The following NUCB1 variants were observed in gnomAD, a reference collection of about 807,000 sequenced individuals.
NUCB1 encodes nucleobindin-1.
Under a neutral mutation model 61.2 loss-of-function variants are expected in NUCB1, and 47 were observed. The observed-to-expected ratio is 0.77, with a 90% CI of 0.61 to 0.98. The LOEUF is 0.98. NUCB1 is among the 50% of genes least tolerant of loss of function. The pLI, the probability that NUCB1 is intolerant of heterozygous loss-of-function variation, is 0.00. For synonymous variants in NUCB1, 234 were observed against 243.1 expected (o/e 0.96, Z 0.35); for missense variants, 583 against 605.3 (o/e 0.96, Z 0.39).
chr19:48,919,278 G>A lies in NUCB1; in HGVS notation c.994G>A (p.Gly332Ser), dbSNP rs760883854. The change falls in exon 10 of 13, where the codon GGC becomes AGC. Residue 332 changes from glycine (G) to serine (S), a missense_variant. Physicochemically the swap from Gly to Ser is moderately conservative, Grantham distance 56. Transcript: ENST00000405315. Reference sequence around the variant, plus strand: ...GAAGGAGTTTGGGGACACCGGGGAGGGCTGGGAGGTGAGAACATGGGGGAT... The same window carrying A: ...GAAGGAGTTTGGGGACACCGGGGAGAGCTGGGAGGTGAGAACATGGGGGAT... ...QRKEFGDTGE[G>S]WETVEMHPAY... 1.5e-5 allele frequency: 25 copies of A among 1,613,128 alleles called. No homozygotes were observed. Among genetic ancestry groups the A allele is most frequent in the Non-Finnish European group, 2.0e-5 (24 of 1,179,380 alleles).
At chr19:48,916,377 G>A (rs1340723446) in intron 7 of NUCB1, among the ~76,000 whole-genome samples, 1 of 152,150 alleles carries the variant, frequency 6.6e-6, no homozygotes, top group Non-Finnish European at 1.5e-5. Context: ...CAGCACTTTG[G>A]GAGGCCGAGG....
At chr19:48,915,758 C>T (rs1407370551) in intron 7 of NUCB1, among the ~76,000 whole-genome samples, 3 of 152,026 alleles carry the variant, frequency 2.0e-5, no homozygotes, top group Non-Finnish European at 4.4e-5. Flanking sequence ...ATCTTGGCCT[C>T]CCGAAGTGCT....
chr19:48,909,565 G>A (rs1221375562), intron 4 of NUCB1, among the ~76,000 whole-genome samples: 3 of 151,634 alleles, frequency 2.0e-5, no homozygotes, highest in Non-Finnish European at 2.9e-5. Flanking sequence ...TTTTGAGACA[G>A]GGTTTCACTT....
At chr19:48,900,554 A>C in intron 1 of NUCB1, 182 bp downstream of exon 1, 1 of 562,062 alleles carries the variant, frequency 1.8e-6, no homozygotes, top group East Asian at 3.0e-5. Flanking sequence ...CGGATTCCTG[A>C]GTGTGAGAGA....
intron 10 of NUCB1, among the ~76,000 whole-genome samples, chr19:48,920,524 T>C: frequency 6.6e-6 from 1 of 151,960 alleles, no homozygotes; most frequent in South Asian, 2.1e-4. Context: ...ATTTATTTAT[T>C]TGTTTGTTTA....
Position 48,904,392 on chromosome 19 carries a change from G to A in NUCB1, c.181G>A (p.Val61Ile), listed in dbSNP as rs752285861. 15 of 1,613,830 alleles carry A rather than the reference G, an allele frequency of 9.3e-6. No individual in the cohort carries two copies. The highest frequency in any genetic ancestry group is 1.2e-5 in the Non-Finnish European group (14 of 1,179,850). The change falls in exon 3 of 13, where the codon GTA becomes ATA. Residue 61 changes from valine (V) to isoleucine (I), a missense_variant. Transcript: ENST00000405315. ...YHRYLQEVID[V>I]LETDGHFREK... ...CCGGTACCTCCAGGAGGTCATCGATGTACTGGAGACGGATGGGCATTTCCG... is the reference window on the plus strand; with the variant it reads ...CCGGTACCTCCAGGAGGTCATCGATATACTGGAGACGGATGGGCATTTCCG...
chr19:48,917,578 C>T (rs531895813), intron 7 of NUCB1, among the ~76,000 whole-genome samples: 302 of 152,276 alleles, frequency 2.0e-3, no homozygotes, highest in African/African-American at 6.7e-3. Context: ...CACACTGCAA[C>T]CCCCGCCTCC....
intron 7 of NUCB1, among the ~76,000 whole-genome samples, chr19:48,915,216 C>T (rs577762560): frequency 4.3e-4 from 66 of 152,186 alleles, no homozygotes; most frequent in Non-Finnish European, 8.5e-4. Flanking sequence ...TGGTGGCTCA[C>T]GCCTGTAATC....
intron 11 of NUCB1, 89 bp from the exon 12 acceptor site, chr19:48,921,738 T>A (rs2037611726): frequency 1.6e-6 from 2 of 1,247,316 alleles, no homozygotes; most frequent in Admixed American, 3.4e-5. Flanking sequence ...AGCAGGCTGC[T>A]GTGAAGTCTC....
At chr19:48,906,541 C>G (rs939865732) in intron 4 of NUCB1, among the ~76,000 whole-genome samples, 1 of 151,906 alleles carries the variant, frequency 6.6e-6, no homozygotes, top group African/African-American at 2.4e-5. Context: ...GGCAACATAG[C>G]AAGACCCCTG....
intron 4 of NUCB1, among the ~76,000 whole-genome samples, chr19:48,908,695 G>GTGTGTGTGTGTGTC (rs1269071160): frequency 2.9e-5 from 4 of 138,394 alleles, no homozygotes; most frequent in African/African-American, 8.0e-5. Flanking sequence ...GTGTGTGTGT[G>GTGTGTGTGTGTGTC]TGTCTTTCTG....
At chr19:48,921,760 T>C in intron 11 of NUCB1, 67 bp from the exon 12 acceptor site, 1 of 1,481,538 alleles carries the variant, frequency 6.7e-7, no homozygotes, top group Non-Finnish European at 9.4e-7. Flanking sequence ...GTTTGGGGAC[T>C]GAGGCCTGAG....
At chr19:48,913,297 CAA>C (rs5828369) in intron 6 of NUCB1, 101 bp downstream of exon 6, 3 of 1,272,610 alleles carry the variant, frequency 2.4e-6, no homozygotes, top group South Asian at 2.9e-5. Context: ...GCCCTTGAGG[CAA>C]AAAAACTCCC....
chr19:48,914,956 T>C (rs2037522707), intron 7 of NUCB1, among the ~76,000 whole-genome samples: 1 of 151,928 alleles, frequency 6.6e-6, no homozygotes, highest in Non-Finnish European at 1.5e-5. Flanking sequence ...CGTGAGTGCC[T>C]GTAATCCCAG....
At position 48,923,336 on chromosome 19, in the gene NUCB1, C is replaced by G. The variant is rs2037632672; in HGVS notation, c.*912C>G. The G allele has an allele frequency of 6.6e-6, 1 of 152,254 alleles. No individual in the cohort carries two copies. The highest frequency in any genetic ancestry group is 2.4e-5 in the African/African-American group (1 of 41,428). 9.4% of individuals were successfully genotyped at this position (152,254 alleles called of 1,614,324 possible). A position where few individuals can be genotyped will look rare whatever the true frequency, so the allele number is the denominator to read the frequency against. On this transcript the variant is annotated 3_prime_UTR_variant, in exon 13 of 13. Coordinates refer to ENST00000405315, the MANE Select transcript of NUCB1 (RefSeq NM_006184.6). ...AAAACGCTATTGCCACGTCACCTGC[C>G]GGAGTCCTCATCTTTGAAGACTGGA...
At chr19:48,903,546 A>C (rs1469778225) in intron 2 of NUCB1, among the ~76,000 whole-genome samples, 1 of 73,698 alleles carries the variant, frequency 1.4e-5, no homozygotes, top group Non-Finnish European at 2.7e-5. Flanking sequence ...GGATGGATCG[A>C]TGGGTGGGTG....
intron 3 of NUCB1, 125 bp downstream of exon 3, chr19:48,904,579 C>T (rs1197888512): frequency 1.1e-5 from 7 of 617,164 alleles, no homozygotes; most frequent in African/African-American, 7.5e-5. Context: ...GGCTGGAGTG[C>T]GATGGTGCGA....
At chr19:48,913,843 C>T (rs890731250) in intron 7 of NUCB1, among the ~76,000 whole-genome samples, 1 of 152,212 alleles carries the variant, frequency 6.6e-6, no homozygotes, top group Admixed American at 6.5e-5. Context: ...TAGGCCTGGG[C>T]CCTCTGCCCA....
In NUCB1 at chr19:48,921,782, C is replaced by A. The variant is rs2037612120; in HGVS notation, c.1174-45C>A. ...GACTGAGGCCTGAGCACTTGCAATG[C>A]CAGCATCACACCCTCTTGTCTGTGT... On this transcript the variant is annotated intron_variant, in intron 11 of 12. Transcript: ENST00000405315. The A allele has an allele frequency of 1.9e-6, 3 of 1,578,198 alleles. No homozygotes were observed. The South Asian group carries it at 3.3e-5, about 17-fold the overall frequency.
Sources: allele counts gnomAD v4.1 joint callset (sites outside exome capture counted in the v4.1 genomes callset), GRCh38; gene constraint gnomAD v4.1.1; transcripts MANE v1.5; gene names NCBI Gene and HGNC (gene_info 2026-07-23, HGNC 2026-07-21).